The following TIAM1 variants were observed in gnomAD, a reference collection of about 807,000 sequenced individuals.
The protein encoded by TIAM1 is TIAM Rac1 associated GEF 1.
A neutral mutation model predicts 163.5 loss-of-function variants in TIAM1; 65 were observed. That is an observed-to-expected ratio of 0.40 (90% CI 0.33 to 0.49). The LOEUF is 0.49. Ranked by LOEUF, TIAM1 falls within the 20% of genes least tolerant of loss-of-function variation. TIAM1 has a pLI of 0.77. For synonymous variants in TIAM1, 833 were observed against 810.1 expected (o/e 1.03, Z -0.48); for missense variants, 1,789 against 2,044.7 (o/e 0.87, Z 2.41).
intron 2 of TIAM1, among the ~76,000 whole-genome samples, chr21:31,380,236 C>T (rs1164781615): frequency 1.3e-5 from 2 of 152,018 alleles, no homozygotes; most frequent in Non-Finnish European, 2.9e-5. Context: ...CTAGCCTGAG[C>T]GAAATAGTGA....
In TIAM1 at chr21:31,266,875, G is replaced by A. The variant is rs760072252; in HGVS notation, c.98C>T (p.Ser33Leu). 16 of 1,613,990 alleles carry A rather than the reference G, an allele frequency of 9.9e-6. No homozygotes were observed. The highest frequency in any genetic ancestry group is 6.6e-5 in the South Asian group (6 of 91,088). The change falls in exon 4 of 28, where the codon TCG becomes TTG. Residue 33 changes from serine to leucine, a missense_variant. Ser to Leu is a moderately radical substitution (Grantham distance 145). Coordinates refer to ENST00000541036, the MANE Select transcript of TIAM1 (RefSeq NM_001353694.2). ...GTGCCTGGTCCTCCGCGTCTTGTGC[G>A]AGAGGCGCAGGGAGCGGGAAGTGTG... The part of the protein sequence containing the change: ...RKHTSRSLRL[S>L]HKTRRTRHAS...
At chr21:31,430,284 A>C (rs2043979200) in intron 2 of TIAM1, among the ~76,000 whole-genome samples, 1 of 149,558 alleles carries the variant, frequency 6.7e-6, no homozygotes, top group Non-Finnish European at 1.5e-5. Flanking sequence ...ATATATATAT[A>C]TATTGCACAG....
chr21:31,193,329 G>C, intron 13 of TIAM1, among the ~76,000 whole-genome samples: 1 of 152,184 alleles, frequency 6.6e-6, no homozygotes, highest in South Asian at 2.1e-4. Context: ...CAAACAATGG[G>C]ATTTATGGTG....
intron 19 of TIAM1, among the ~76,000 whole-genome samples, chr21:31,151,493 T>C (rs541181045): frequency 6.6e-6 from 1 of 152,084 alleles, no homozygotes; most frequent in African/African-American, 2.4e-5. Flanking sequence ...ATTCCACCAA[T>C]ATAAAATTCC....
intron 2 of TIAM1, among the ~76,000 whole-genome samples, chr21:31,374,911 T>C (rs1028044924): frequency 1.3e-5 from 2 of 152,240 alleles, no homozygotes; most frequent in African/African-American, 4.8e-5. Flanking sequence ...ATTAAATTTC[T>C]ATTTTCAACC....
intron 1 of TIAM1, among the ~76,000 whole-genome samples, chr21:31,503,679 T>C (rs539781158): frequency 5.0e-5 from 7 of 138,916 alleles, no homozygotes; most frequent in Admixed American, 7.9e-5. Context: ...CGGCAGGCTG[T>C]AGGGATCCAG....
intron 11 of TIAM1, among the ~76,000 whole-genome samples, 157 bp from the exon 12 acceptor site, chr21:31,203,169 C>T (rs1365886118): frequency 6.6e-6 from 1 of 152,194 alleles, no homozygotes; most frequent in Admixed American, 6.5e-5. Context: ...GTTGCCCAGC[C>T]TGGAGTGCAA....
At chr21:31,370,474 G>A (rs1320038035) in intron 2 of TIAM1, among the ~76,000 whole-genome samples, 2 of 152,172 alleles carry the variant, frequency 1.3e-5, no homozygotes, top group Non-Finnish European at 2.9e-5. Flanking sequence ...GTATGTGGGT[G>A]TGTTTTTGTG....
chr21:31,482,300 C>T (rs910917917), intron 1 of TIAM1, among the ~76,000 whole-genome samples: 2 of 151,880 alleles, frequency 1.3e-5, no homozygotes, highest in African/African-American at 4.8e-5. Context: ...TACAGGCTCC[C>T]GCCACCATGC....
At chr21:31,174,756 T>A (rs1157850857) in intron 15 of TIAM1, among the ~76,000 whole-genome samples, 2 of 152,196 alleles carry the variant, frequency 1.3e-5, no homozygotes, top group African/African-American at 4.8e-5. Context: ...CAAGCAATTC[T>A]CCTGCCTCAG....
At chr21:31,491,025 G>A (rs965797399) in intron 1 of TIAM1, among the ~76,000 whole-genome samples, 60 of 152,332 alleles carry the variant, frequency 3.9e-4, no homozygotes, top group African/African-American at 1.3e-3. Flanking sequence ...CTCCAGAGGC[G>A]GAGGCTGAGG....
At chr21:31,396,748 A>G (rs1477342744) in intron 2 of TIAM1, among the ~76,000 whole-genome samples, 4 of 151,900 alleles carry the variant, frequency 2.6e-5, no homozygotes, top group African/African-American at 9.7e-5. Context: ...TCAGGAGCTC[A>G]AGACCAGCCT....
intron 5 of TIAM1, among the ~76,000 whole-genome samples, chr21:31,250,052 A>C (rs527739020): frequency 1.3e-5 from 2 of 150,348 alleles, no homozygotes; most frequent in African/African-American, 4.9e-5. Context: ...AGGCTGAAGC[A>C]GGAGGATCAC....
chr21:31,170,862 C>A (rs922155893), intron 15 of TIAM1, among the ~76,000 whole-genome samples: 2 of 151,416 alleles, frequency 1.3e-5, no homozygotes, highest in African/African-American at 4.9e-5. Context: ...ATGGTGAAAC[C>A]CCATCTCTAC....
At chr21:31,515,925 T>C (rs1290121620) in intron 1 of TIAM1, among the ~76,000 whole-genome samples, 2 of 150,524 alleles carry the variant, frequency 1.3e-5, no homozygotes, top group African/African-American at 2.5e-5. Flanking sequence ...CTGGGCAACA[T>C]GGCAAAACCC....
At chr21:31,193,183 C>A (rs935126833) in intron 13 of TIAM1, among the ~76,000 whole-genome samples, 3 of 152,194 alleles carry the variant, frequency 2.0e-5, no homozygotes, top group South Asian at 2.1e-4. Flanking sequence ...CATAGGAAAG[C>A]GTTAACACAG....
chr21:31,354,328 C>T (rs913050167), intron 2 of TIAM1, among the ~76,000 whole-genome samples: 33 of 152,174 alleles, frequency 2.2e-4, no homozygotes, highest in African/African-American at 7.5e-4. Flanking sequence ...ATTGTCACTC[C>T]GTCTGAGAAA....
intron 15 of TIAM1, among the ~76,000 whole-genome samples, chr21:31,173,209 A>C (rs187496663): frequency 1.3e-5 from 2 of 152,266 alleles, no homozygotes; most frequent in East Asian, 3.9e-4. Context: ...AATGTGCTCT[A>C]AGCAGACCCT....
At chr21:31,315,202 C>T (rs899058981) in intron 2 of TIAM1, among the ~76,000 whole-genome samples, 2 of 152,084 alleles carry the variant, frequency 1.3e-5, no homozygotes, top group African/African-American at 4.8e-5. Context: ...GAAACTCCAT[C>T]TCTACTAAAT....
Sources: gnomAD v4.1 joint callset for allele counts (sites outside exome capture counted in the v4.1 genomes callset) on GRCh38, gnomAD v4.1.1 for gene constraint, MANE v1.5 for transcripts, NCBI Gene and HGNC (gene_info 2026-07-23, HGNC 2026-07-21) for gene names.